Variants in CCDC149 observed in about 807,000 individuals in gnomAD.
CCDC149 encodes the protein coiled-coil domain containing 149.
In CCDC149, 45 loss-of-function variants were observed where a neutral mutation model predicts 59.9. The ratio of observed to expected loss-of-function variants is 0.75; its 90% CI spans 0.59 to 0.96. The LOEUF (loss-of-function observed/expected upper bound fraction) is 0.96, where lower values mean the gene tolerates loss of function less well. Among genes scored for constraint, CCDC149 ranks in the 40% least tolerant of loss-of-function variants. The pLI is 0.00. For missense variants in CCDC149, 584 were observed against 664.7 expected (o/e 0.88, Z 1.33); for synonymous variants, 245 against 260.6 (o/e 0.94, Z 0.58).
chr4:24,931,849 A>ATATATATATATATATACATG (rs1253209128), intron 1 of CCDC149, among the ~76,000 whole-genome samples: 1 of 143,990 alleles, frequency 6.9e-6, no homozygotes, highest in African/African-American at 2.6e-5. Flanking sequence ...ATATATATAT[A>ATATATATATATATATACATG]TATGCATAAT....
chr4:24,923,950 T>C (rs1722368716), intron 1 of CCDC149, among the ~76,000 whole-genome samples: 1 of 152,226 alleles, frequency 6.6e-6, no homozygotes, highest in Admixed American at 6.5e-5. Flanking sequence ...TCACCTCGGA[T>C]ACTGCCCTCA....
chr4:24,874,900 C>T (rs1719313058), intron 2 of CCDC149, among the ~76,000 whole-genome samples: 1 of 152,208 alleles, frequency 6.6e-6, no homozygotes, highest in African/African-American at 2.4e-5. Flanking sequence ...TCATTTGCAT[C>T]TTAAACGTTT....
upstream of CCDC149, among the ~76,000 whole-genome samples, chr4:24,914,543 G>A (rs150232000): frequency 6.6e-6 from 1 of 152,244 alleles, no homozygotes; most frequent in Non-Finnish European, 1.5e-5. Context: ...CACCAGATGT[G>A]TGAGTGAGGC....
At chr4:24,810,105 C>T (rs1413515982) in intron 12 of CCDC149, among the ~76,000 whole-genome samples, 1 of 152,158 alleles carries the variant, frequency 6.6e-6, no homozygotes, top group Non-Finnish European at 1.5e-5. Context: ...TCCACATGCA[C>T]TGATCAGTTT....
At chr4:24,948,068 T>G (rs546385581) in intron 1 of CCDC149, among the ~76,000 whole-genome samples, 4 of 152,320 alleles carry the variant, frequency 2.6e-5, no homozygotes, top group Non-Finnish European at 5.9e-5. Context: ...TAACTGGAAC[T>G]GTAAATTCAC....
chr4:24,897,532 G>C (rs899929138), intron 1 of CCDC149, among the ~76,000 whole-genome samples: 3 of 152,138 alleles, frequency 2.0e-5, no homozygotes, highest in Non-Finnish European at 4.4e-5. Flanking sequence ...AGGAGGTAGG[G>C]AGGGTGCTGA....
Position 24,842,637 on chromosome 4 carries a change from T to C in CCDC149, c.373-4365A>G, listed in dbSNP as rs554759833. On this transcript the variant is annotated intron_variant, in intron 4 of 12. Coordinates refer to ENST00000635206, the MANE Select transcript of CCDC149 (RefSeq NM_001330643.2). ...GTGAGTCGTCAGCTTGCGGATGAGGTGCAGCTGCAGCTGGGAAGTGGCTGA... is the reference window on the plus strand; with the variant it reads ...GTGAGTCGTCAGCTTGCGGATGAGGCGCAGCTGCAGCTGGGAAGTGGCTGA... Among the ~76,000 whole-genome samples the C allele has an allele frequency of 2.6e-5, 4 of 152,218 alleles. No individual in the cohort carries two copies. In the East Asian group the frequency reaches 7.7e-4, roughly 29 times the overall value.
intron 1 of CCDC149, among the ~76,000 whole-genome samples, chr4:24,952,629 ATATATATATATATAT>A (rs1723348419): frequency 8.6e-5 from 1 of 11,646 alleles, no homozygotes; most frequent in Admixed American, 1.4e-3. Context: ...AAAAAAAAAT[ATATATATATATATAT>A]ATATATATAT....
chr4:24,885,929 C>CA (rs1720150972), intron 1 of CCDC149, among the ~76,000 whole-genome samples: 1 of 152,172 alleles, frequency 6.6e-6, no homozygotes, highest in Non-Finnish European at 1.5e-5. Flanking sequence ...GTAACAGTAG[C>CA]AGCCACTATC....
chr4:24,863,828 A>C (rs1260033256), intron 3 of CCDC149, among the ~76,000 whole-genome samples: 1 of 152,256 alleles, frequency 6.6e-6, no homozygotes, highest in Admixed American at 6.5e-5. Flanking sequence ...CTATTTAGGA[A>C]AGTTTTAGGC....
At chr4:24,841,268 G>A (rs1269710973) in intron 4 of CCDC149, among the ~76,000 whole-genome samples, 1 of 152,194 alleles carries the variant, frequency 6.6e-6, no homozygotes, top group Non-Finnish European at 1.5e-5. Flanking sequence ...TGAACTTTAA[G>A]TTATAAAACA....
intron 1 of CCDC149, among the ~76,000 whole-genome samples, chr4:24,894,320 A>C (rs1720718352): frequency 6.6e-6 from 1 of 152,208 alleles, no homozygotes; most frequent in Admixed American, 6.5e-5. Context: ...AGCAATCAGC[A>C]TAGTGGTTGT....
At chr4:24,951,999 CCT>C (rs1220272244) in intron 1 of CCDC149, among the ~76,000 whole-genome samples, 2 of 152,124 alleles carry the variant, frequency 1.3e-5, no homozygotes, top group African/African-American at 2.4e-5. Context: ...AAAGGAGAGT[CCT>C]CTTTTTGTTG....
intron 4 of CCDC149, among the ~76,000 whole-genome samples, 178 bp from the exon 5 acceptor site, chr4:24,838,450 G>A (rs1334776534): frequency 3.3e-5 from 5 of 152,172 alleles, no homozygotes; most frequent in Admixed American, 1.3e-4. Context: ...AATATAGATT[G>A]TAGTTAGTGT....
intron 12 of CCDC149, among the ~76,000 whole-genome samples, chr4:24,814,556 TAA>T (rs1714887028): frequency 6.6e-6 from 1 of 152,156 alleles, no homozygotes; most frequent in South Asian, 2.1e-4. Context: ...GGGGACTTAT[TAA>T]ACATGCAGGG....
chr4:24,814,955 T>C (rs1040324090), intron 12 of CCDC149, among the ~76,000 whole-genome samples: 7 of 152,158 alleles, frequency 4.6e-5, no homozygotes, highest in Non-Finnish European at 7.4e-5. Context: ...ACTTCAAGAG[T>C]CAGCTCCACC....
At chr4:24,944,658 C>T (rs993689891) in intron 1 of CCDC149, among the ~76,000 whole-genome samples, 1 of 151,970 alleles carries the variant, frequency 6.6e-6, no homozygotes, top group African/African-American at 2.4e-5. Flanking sequence ...GAGCTAAAAC[C>T]TAGATGATGG....
At chr4:24,928,277 C>G (rs766887377) in intron 1 of CCDC149, among the ~76,000 whole-genome samples, 1 of 152,128 alleles carries the variant, frequency 6.6e-6, no homozygotes, top group Non-Finnish European at 1.5e-5. Flanking sequence ...TCTAGAGACA[C>G]GTACATTGGA....
At chr4:24,888,747 G>T (rs533192340) in intron 1 of CCDC149, among the ~76,000 whole-genome samples, 119 of 152,182 alleles carry the variant, frequency 7.8e-4, no homozygotes, top group African/African-American at 2.8e-3. Flanking sequence ...TCGCACCTTG[G>T]GTGTGAGCCT....
Sources: gnomAD v4.1 joint callset for allele counts (sites outside exome capture counted in the v4.1 genomes callset) on GRCh38, gnomAD v4.1.1 for gene constraint, MANE v1.5 for transcripts, NCBI Gene and HGNC (gene_info 2026-07-23, HGNC 2026-07-21) for gene names.